GRIA4: variants seen among roughly 807,000 people sequenced by gnomAD.
GRIA4 encodes glutamate receptor 4.
A neutral mutation model predicts 104.0 loss-of-function variants in GRIA4; 34 were observed. The observed-to-expected ratio is 0.33, with a 90% CI of 0.25 to 0.44. The LOEUF is 0.44. Among genes scored for constraint, GRIA4 ranks in the 20% least tolerant of loss-of-function variants. The probability of loss-of-function intolerance (pLI) is 1.00; values close to 1 mark genes in which losing one functional copy is unlikely to be tolerated. For missense variants in GRIA4, 750 were observed against 1,096.5 expected, an observed-to-expected ratio of 0.68 and a Z score of 4.46; for synonymous variants, 386 against 381.9, an observed-to-expected ratio of 1.01 and a Z score of -0.13.
chr11:105,823,411 AAG>A (rs796856705), intron 4 of GRIA4, among the ~76,000 whole-genome samples: 3 of 152,112 alleles, frequency 2.0e-5, no homozygotes, highest in African/African-American at 7.2e-5. Flanking sequence ...ATAAGTCAAA[AAG>A]AGAAGAAAAA....
chr11:105,635,083 T>C (rs1177001156), intron 3 of GRIA4, among the ~76,000 whole-genome samples: 1 of 152,308 alleles, frequency 6.6e-6, no homozygotes, highest in South Asian at 2.1e-4. Context: ...GGTAAGTGTA[T>C]TGACAGTTAA....
intron 13 of GRIA4, among the ~76,000 whole-genome samples, chr11:105,929,445 G>A (rs1169905080): frequency 6.6e-6 from 1 of 152,124 alleles, no homozygotes; most frequent in Non-Finnish European, 1.5e-5. Context: ...TATACTTCAT[G>A]TTTTATGTGC....
rs1056964406 is a variant in GRIA4, at chr11:105,933,964, A to G, written c.2289A>G (p.Ser763=). The change falls in exon 14 of 17, where the codon TCA becomes TCG. Residue 763 remains serine, a synonymous_variant. Coordinates refer to ENST00000282499, the MANE Select transcript of GRIA4 (RefSeq NM_000829.4). ...GAGTAGCAACGCCCAAGGGTTCCTC[A>G]TTAAGGTGGGTGGAATAGTATAACA... ...GYGVATPKGS[S]LRTPVNLAVL... 2 of 1,611,784 alleles carry G rather than the reference A, an allele frequency of 1.2e-6. No individual in the cohort carries two copies. The highest frequency in any genetic ancestry group is 1.7e-6 in the Non-Finnish European group (2 of 1,178,420).
chr11:105,816,646 A>T (rs1372634225), intron 4 of GRIA4, among the ~76,000 whole-genome samples: 1 of 152,152 alleles, frequency 6.6e-6, no homozygotes, highest in Admixed American at 6.6e-5. Flanking sequence ...CAATGGCCTA[A>T]TACATGATGT....
intron 14 of GRIA4, among the ~76,000 whole-genome samples, chr11:105,937,213 T>C (rs1948069523): frequency 6.6e-6 from 1 of 152,116 alleles, no homozygotes; most frequent in Admixed American, 6.6e-5. Context: ...GAATGTAAAG[T>C]TTAGAAGAAA....
intron 3 of GRIA4, among the ~76,000 whole-genome samples, chr11:105,628,327 T>C (rs1016025506): frequency 2.0e-5 from 3 of 152,188 alleles, no homozygotes; most frequent in Non-Finnish European, 4.4e-5. Flanking sequence ...TTGTTATGCA[T>C]CATATATCAG....
chr11:105,741,960 T>C (rs1939335942), intron 3 of GRIA4, among the ~76,000 whole-genome samples: 1 of 152,132 alleles, frequency 6.6e-6, no homozygotes, highest in African/African-American at 2.4e-5. Context: ...TAATATTGTA[T>C]TATATATTGA....
At chr11:105,960,471 G>A (rs887368080) in intron 14 of GRIA4, among the ~76,000 whole-genome samples, 5 of 152,218 alleles carry the variant, frequency 3.3e-5, no homozygotes, top group Non-Finnish European at 5.9e-5. Flanking sequence ...TTGGGAGCAA[G>A]CTGTCCAGCC....
chr11:105,922,190 A>G (rs575111272), intron 11 of GRIA4, among the ~76,000 whole-genome samples: 1 of 152,292 alleles, frequency 6.6e-6, no homozygotes, highest in South Asian at 2.1e-4. Flanking sequence ...TTATTACAGT[A>G]ATACATAAAA....
intron 14 of GRIA4, among the ~76,000 whole-genome samples, chr11:105,953,132 A>G (rs1948496425): frequency 6.6e-6 from 1 of 152,236 alleles, no homozygotes; most frequent in African/African-American, 2.4e-5. Context: ...ATAATGCTGA[A>G]AACTGGCTAC....
intron 4 of GRIA4, among the ~76,000 whole-genome samples, chr11:105,803,942 G>T (rs1325058259): frequency 1.3e-5 from 2 of 148,894 alleles, no homozygotes; most frequent in Non-Finnish European, 3.0e-5. Flanking sequence ...TTTTACATTT[G>T]ACCTTTCTTA....
chr11:105,853,118 C>A (rs1944879308), intron 4 of GRIA4, among the ~76,000 whole-genome samples: 1 of 152,096 alleles, frequency 6.6e-6, no homozygotes, highest in Non-Finnish European at 1.5e-5. Flanking sequence ...AAATTAATTG[C>A]TCTTTTAAGA....
intron 3 of GRIA4, among the ~76,000 whole-genome samples, chr11:105,677,606 A>G (rs1952579294): frequency 6.6e-6 from 1 of 151,980 alleles, no homozygotes; most frequent in Non-Finnish European, 1.5e-5. Context: ...AGATATTGCA[A>G]CTATACTTTT....
intron 3 of GRIA4, among the ~76,000 whole-genome samples, chr11:105,711,792 T>C (rs1455200557): frequency 6.6e-6 from 1 of 152,168 alleles, no homozygotes. Context: ...CTGTCCTTAA[T>C]GTTGGGAATC....
chr11:105,923,099 T>C (rs1205732754), intron 11 of GRIA4, among the ~76,000 whole-genome samples: 2 of 152,130 alleles, frequency 1.3e-5, no homozygotes, highest in African/African-American at 2.4e-5. Flanking sequence ...CCTTGGCCAC[T>C]GTATAGAACC....
At chr11:105,697,841 T>C (rs935479787) in intron 3 of GRIA4, among the ~76,000 whole-genome samples, 2 of 152,038 alleles carry the variant, frequency 1.3e-5, no homozygotes, top group South Asian at 2.1e-4. Context: ...TGGGTACATA[T>C]ACTCATATGT....
intron 9 of GRIA4, among the ~76,000 whole-genome samples, chr11:105,908,019 G>A (rs1018713669): frequency 2.6e-5 from 4 of 152,094 alleles, no homozygotes; most frequent in African/African-American, 9.7e-5. Context: ...TAGGGCTGGT[G>A]TGGGAATTAG....
At chr11:105,967,573 T>G (rs1157521427) in intron 14 of GRIA4, among the ~76,000 whole-genome samples, 1 of 152,178 alleles carries the variant, frequency 6.6e-6, no homozygotes, top group East Asian at 1.9e-4. Context: ...TACAAAATGT[T>G]TTAGAATGAA....
chr11:105,624,071 G>C (rs1481263405), intron 3 of GRIA4, among the ~76,000 whole-genome samples: 4 of 152,004 alleles, frequency 2.6e-5, no homozygotes, highest in Admixed American at 2.6e-4. Flanking sequence ...TGGGATAGTA[G>C]ATCCAAAATA....
Sources: gnomAD v4.1 joint callset for allele counts (sites outside exome capture counted in the v4.1 genomes callset) on GRCh38, gnomAD v4.1.1 for gene constraint, MANE v1.5 for transcripts, NCBI Gene and HGNC (gene_info 2026-07-23, HGNC 2026-07-21) for gene names.